PPM1H: variants seen among roughly 807,000 people sequenced by gnomAD.
The protein encoded by PPM1H is protein phosphatase, Mg2+/Mn2+ dependent 1H.
A neutral mutation model predicts 54.9 loss-of-function variants in PPM1H; 27 were observed. That is an observed-to-expected ratio of 0.49 (90% CI 0.36 to 0.68). The LOEUF is 0.68. Among genes scored for constraint, PPM1H ranks in the 30% least tolerant of loss-of-function variants. The pLI is 0.00. For synonymous variants in PPM1H, 305 were observed against 270.8 expected (o/e 1.13, Z -1.24); for missense variants, 596 against 667.8 (o/e 0.89, Z 1.19).
intron 8 of PPM1H, among the ~76,000 whole-genome samples, chr12:62,675,387 A>G (rs1022090953): frequency 6.6e-6 from 1 of 152,218 alleles, no homozygotes; most frequent in Admixed American, 6.5e-5. Flanking sequence ...TCACCACTAG[A>G]TCCAAAGGAC....
intron 4 of PPM1H, among the ~76,000 whole-genome samples, chr12:62,777,769 T>C (rs1317192972): frequency 6.6e-6 from 1 of 152,168 alleles, no homozygotes; most frequent in Non-Finnish European, 1.5e-5. Context: ...AATTTAAAAA[T>C]AACCACCAAA....
In PPM1H at chr12:62,827,359, T is replaced by A. The variant is rs577706348; in HGVS notation, c.411+4755A>T. ...TCTCATTTAATCTCTTCTGAGCCTG[T>A]CCCTTGCACTGATCAGTGCCTTATT... On this transcript the variant is annotated intron_variant, in intron 2 of 9. Transcript: ENST00000228705. 5.5e-4 allele frequency among the ~76,000 whole-genome samples: 83 copies of A among 152,230 alleles called. 3 individuals are homozygous for A. The South Asian group carries it at 0.012, about 22-fold the overall frequency.
intron 1 of PPM1H, among the ~76,000 whole-genome samples, chr12:62,907,859 C>A: frequency 6.6e-6 from 1 of 152,172 alleles, no homozygotes; most frequent in East Asian, 1.9e-4. Context: ...AAAGAGTACC[C>A]TTCTCCCCCT....
At chr12:62,883,754 T>C (rs1271504931) in intron 1 of PPM1H, among the ~76,000 whole-genome samples, 3 of 152,162 alleles carry the variant, frequency 2.0e-5, no homozygotes, top group East Asian at 3.9e-4. Flanking sequence ...CCTGATTATA[T>C]GGCAGTTTGA....
intron 4 of PPM1H, among the ~76,000 whole-genome samples, chr12:62,774,895 C>T (rs559329956): frequency 9.9e-5 from 15 of 152,226 alleles, no homozygotes; most frequent in African/African-American, 2.9e-4. Context: ...GGTTCTGGTA[C>T]GAGTTCTGCC....
intron 4 of PPM1H, among the ~76,000 whole-genome samples, chr12:62,782,913 G>A (rs2076650175): frequency 6.6e-6 from 1 of 152,124 alleles, no homozygotes. Context: ...CTGCAGCCTT[G>A]ACATCTCTGG....
intron 1 of PPM1H, among the ~76,000 whole-genome samples, chr12:62,871,617 C>T (rs1192743105): frequency 6.6e-6 from 1 of 151,102 alleles, no homozygotes; most frequent in East Asian, 2.0e-4. Context: ...TGGATTCAAG[C>T]CATCCTCCCA....
chr12:62,688,158 G>A (rs1342757863), intron 8 of PPM1H, among the ~76,000 whole-genome samples: 1 of 152,200 alleles, frequency 6.6e-6, no homozygotes, highest in African/African-American at 2.4e-5. Flanking sequence ...GCAGCTAGAA[G>A]GTCATGTAAC....
chr12:62,772,638 C>T (rs2076585825), intron 4 of PPM1H, among the ~76,000 whole-genome samples: 1 of 152,018 alleles, frequency 6.6e-6, no homozygotes, highest in Non-Finnish European at 1.5e-5. Context: ...GGAAGTGGTG[C>T]CAGCTGCAAC....
At chr12:62,694,528 C>T (rs2076102979) in intron 6 of PPM1H, among the ~76,000 whole-genome samples, 1 of 152,164 alleles carries the variant, frequency 6.6e-6, no homozygotes, top group African/African-American at 2.4e-5. Flanking sequence ...TTTAAATAGC[C>T]ACTCAATACA....
At chr12:62,912,621 G>A (rs918148272) in intron 1 of PPM1H, among the ~76,000 whole-genome samples, 1 of 152,166 alleles carries the variant, frequency 6.6e-6, no homozygotes, top group Non-Finnish European at 1.5e-5. Flanking sequence ...AGGTAAGTCT[G>A]AATCAATATA....
chr12:62,780,670 C>A (rs1471879616), intron 4 of PPM1H, among the ~76,000 whole-genome samples: 2 of 152,130 alleles, frequency 1.3e-5, no homozygotes, highest in Non-Finnish European at 1.5e-5. Context: ...TAAGCTTCAC[C>A]TGGTATTTAC....
intron 5 of PPM1H, among the ~76,000 whole-genome samples, chr12:62,725,138 G>A (rs139642130): frequency 1.3e-5 from 2 of 152,218 alleles, no homozygotes; most frequent in Non-Finnish European, 2.9e-5. Flanking sequence ...GCAAGTCTGA[G>A]TCACACCTCC....
At chr12:62,781,398 T>C (rs1461904872) in intron 4 of PPM1H, among the ~76,000 whole-genome samples, 11 of 152,228 alleles carry the variant, frequency 7.2e-5, no homozygotes, top group Admixed American at 5.9e-4. Context: ...GAGCTTGCCC[T>C]GCGTGTGGTG....
At chr12:62,836,051 C>A (rs1868493824) in intron 1 of PPM1H, among the ~76,000 whole-genome samples, 1 of 152,216 alleles carries the variant, frequency 6.6e-6, no homozygotes, top group Admixed American at 6.5e-5. Flanking sequence ...TTGCTGTATG[C>A]TCCAGCGTAA....
intron 3 of PPM1H, among the ~76,000 whole-genome samples, chr12:62,794,276 A>G (rs776370513): frequency 8.5e-5 from 13 of 152,218 alleles, no homozygotes; most frequent in Non-Finnish European, 1.8e-4. Context: ...TGGGTTCCCA[A>G]TTTACCATTA....
At chr12:62,863,938 A>G (rs1249533646) in intron 1 of PPM1H, among the ~76,000 whole-genome samples, 4 of 152,260 alleles carry the variant, frequency 2.6e-5, no homozygotes, top group African/African-American at 7.2e-5. Context: ...ACCATGAGAC[A>G]TAAGGATCTT....
At chr12:62,676,809 T>C (rs1409563256) in intron 8 of PPM1H, among the ~76,000 whole-genome samples, 1 of 152,028 alleles carries the variant, frequency 6.6e-6, no homozygotes, top group Admixed American at 6.5e-5. Flanking sequence ...GTGTCGTGGA[T>C]GACATGTCGA....
chr12:62,840,649 A>G (rs1276891490), intron 1 of PPM1H, among the ~76,000 whole-genome samples: 1 of 152,198 alleles, frequency 6.6e-6, no homozygotes, highest in East Asian at 1.9e-4. Flanking sequence ...GCAGAGGAAC[A>G]GCCTGTGAAA....
Sources: allele counts gnomAD v4.1 joint callset (sites outside exome capture counted in the v4.1 genomes callset), GRCh38; gene constraint gnomAD v4.1.1; transcripts MANE v1.5; gene names NCBI Gene and HGNC (gene_info 2026-07-23, HGNC 2026-07-21).